The following PSMG4 variants were observed in gnomAD, a reference collection of about 807,000 sequenced individuals.
PSMG4 encodes proteasome assembly chaperone 4.
PSMG4 carries 10 observed loss-of-function variants against 11.0 expected under a neutral mutation model. That is an observed-to-expected ratio of 0.91 (90% CI 0.56 to 1.54). The LOEUF is 1.54. PSMG4 is among the 40% of genes most tolerant of loss of function. The probability of loss-of-function intolerance (pLI) is 0.00; values close to 1 mark genes in which losing one functional copy is unlikely to be tolerated. For missense variants in PSMG4, 198 were observed against 160.9 expected (o/e 1.23, Z -1.25); for synonymous variants, 95 against 71.3 (o/e 1.33, Z -1.68).
At chr6:3,258,798 C>G (rs1757848085), upstream of PSMG4, 3 of 387,702 alleles carry the variant, frequency 7.7e-6, no homozygotes, top group Admixed American at 4.5e-5. Flanking sequence ...AGCAAGACAA[C>G]CAGGGACAGC....
At chr6:3,263,585 A>G in intron 1 of PSMG4, 99 bp from the exon 2 acceptor site, 2 of 1,043,440 alleles carry the variant, frequency 1.9e-6, no homozygotes, top group East Asian at 2.7e-5. Context: ...TGAACCTGCC[A>G]CTGCCATCGT....
chr6:3,256,795 C>T (rs1175606844), upstream of PSMG4, among the ~76,000 whole-genome samples: 1 of 152,204 alleles, frequency 6.6e-6, no homozygotes, highest in Non-Finnish European at 1.5e-5. Context: ...CATAGTCTGC[C>T]TCCATCAGTT....
At chr6:3,254,645 C>A (rs537212986), upstream of PSMG4, among the ~76,000 whole-genome samples, 1 of 152,080 alleles carries the variant, frequency 6.6e-6, no homozygotes, top group Non-Finnish European at 1.5e-5. Context: ...ATTGTGAAGG[C>A]CTACAGCTTT....
Position 3,259,197 on chromosome 6 carries a change from G to A in PSMG4, c.174+1G>A. On this transcript the variant is annotated splice_donor_variant, in intron 1 of 2. Transcript: ENST00000438998. LOFTEE classifies it high-confidence loss of function. ...CGCCGTGGCCATGTGCAGCCGCTACGTGAGTGCCTGGCGGCCGAGGGTGCG... is the reference window on the plus strand; with the variant it reads ...CGCCGTGGCCATGTGCAGCCGCTACATGAGTGCCTGGCGGCCGAGGGTGCG... The A allele has an allele frequency of 5.4e-6, 7 of 1,298,612 alleles. No homozygotes were observed. The highest frequency in any genetic ancestry group is 6.8e-6 in the Non-Finnish European group (7 of 1,024,602). The allele number at this position is 1,298,612 out of a possible 1,614,324, so 80.4% of individuals were successfully genotyped here. A position where few individuals can be genotyped will look rare whatever the true frequency, so the allele number is the denominator to read the frequency against.
intron 2 of PSMG4, chr6:3,266,902 C>T (rs1478641665): frequency 1.3e-5 from 2 of 151,624 alleles, no homozygotes; most frequent in Non-Finnish European, 2.9e-5. Context: ...ATTGCCCAGG[C>T]TGGAGTGCAG....
chr6:3,260,291 A>ATATATATATATATTTTTTT, intron 1 of PSMG4, among the ~76,000 whole-genome samples: 1 of 70,840 alleles, frequency 1.4e-5, no homozygotes, highest in African/African-American at 5.5e-5. Context: ...ATATATATAT[A>ATATATATATATATTTTTTT]TTTTTTTTTT....
In PSMG4 at chr6:3,260,284, TATATATA is replaced by T. The variant is rs143575413; in HGVS notation, c.174+1089_174+1095del. Among the ~76,000 whole-genome samples the T allele has an allele frequency of 3.4e-3, 285 of 84,826 alleles. 5 individuals are homozygous for T. The highest frequency in any genetic ancestry group is 6.6e-3 in the African/African-American group (158 of 24,046). 55.6% of individuals were successfully genotyped at this position (84,826 alleles called of 152,430 possible). ...ATAACCTTGTCTTAAATTGTATATA[TATATATA>T]TTTTTTTTTTTTTTTTTTGAAGCAA... On this transcript the variant is annotated intron_variant, in intron 1 of 2. Transcript: ENST00000438998.
intron 2 of PSMG4, chr6:3,263,974 C>A: frequency 2.2e-6 from 3 of 1,340,082 alleles, no homozygotes; most frequent in Admixed American, 2.8e-5. Flanking sequence ...CTGGCCTGTT[C>A]CCAAAGGACT....
At chr6:3,259,537 T>C (rs970442412) in intron 1 of PSMG4, among the ~76,000 whole-genome samples, 1 of 152,240 alleles carries the variant, frequency 6.6e-6, no homozygotes, top group African/African-American at 2.4e-5. Flanking sequence ...TTGAGCACAC[T>C]GATAATTTTT....
In PSMG4 at chr6:3,260,291, A is replaced by ATATATATATATATATATATTTTTTTTTT; in HGVS notation, c.174+1096_174+1097insATATATATATATATATATTTTTTTTTTT. On this transcript the variant is annotated intron_variant, in intron 1 of 2. Coordinates refer to ENST00000438998, the MANE Select transcript of PSMG4 (RefSeq NM_001128591.2). ...TGTCTTAAATTGTATATATATATAT[A>ATATATATATATATATATATTTTTTTTTT]TTTTTTTTTTTTTTTTTTGAAGCAA... Among the ~76,000 whole-genome samples the ATATATATATATATATATATTTTTTTTTT allele has an allele frequency of 5.6e-5, 4 of 70,860 alleles. No individual in the cohort carries two copies. The East Asian group carries it at 1.4e-3, about 24-fold the overall frequency. 46.5% of individuals were successfully genotyped at this position (70,860 alleles called of 152,430 possible).
At chr6:3,255,573 A>G (rs1489922971), upstream of PSMG4, among the ~76,000 whole-genome samples, 2 of 152,108 alleles carry the variant, frequency 1.3e-5, no homozygotes, top group African/African-American at 2.4e-5. Context: ...TTTACATGAG[A>G]TGGTTACCCA....
At position 3,260,291 on chromosome 6, in the gene PSMG4, A is replaced by ATATTTTTT; in HGVS notation, c.174+1096_174+1097insATTTTTTT. 5.7e-3 allele frequency among the ~76,000 whole-genome samples: 407 copies of ATATTTTTT among 70,810 alleles called. 14 individuals are homozygous for ATATTTTTT. The highest frequency in any genetic ancestry group is 0.011 in the Middle Eastern group (1 of 90). 46.5% of individuals were successfully genotyped at this position (70,810 alleles called of 152,430 possible). The stretch of plus-strand genomic sequence containing the variant: ...TGTCTTAAATTGTATATATATATAT[A>ATATTTTTT]TTTTTTTTTTTTTTTTTTGAAGCAA... On this transcript the variant is annotated intron_variant, in intron 1 of 2. Coordinates refer to ENST00000438998, the MANE Select transcript of PSMG4 (RefSeq NM_001128591.2).
At chr6:3,254,425 T>TA (rs1481303102), upstream of PSMG4, among the ~76,000 whole-genome samples, 1 of 149,086 alleles carries the variant, frequency 6.7e-6, no homozygotes, top group Non-Finnish European at 1.5e-5. Flanking sequence ...TGAGGAGGTA[T>TA]GGCTTTGTGC....
chr6:3,258,914 G>A, upstream of PSMG4: 3 of 1,117,484 alleles, frequency 2.7e-6, no homozygotes. Flanking sequence ...TTCCGGGGCC[G>A]AAAGCGAAAG....
At chr6:3,254,896 GTGAA>G (rs1757695900), upstream of PSMG4, among the ~76,000 whole-genome samples, 1 of 150,722 alleles carries the variant, frequency 6.6e-6, no homozygotes, top group South Asian at 2.1e-4. Flanking sequence ...GACCTTGTAA[GTGAA>G]TGATCTCTGA....
chr6:3,261,779 C>T (rs1249217401), intron 1 of PSMG4, among the ~76,000 whole-genome samples: 1 of 152,194 alleles, frequency 6.6e-6, no homozygotes, highest in African/African-American at 2.4e-5. Flanking sequence ...CCACCTGTGA[C>T]CCGTGGGCCA....
intron 2 of PSMG4, chr6:3,265,765 G>C (rs1005673724): frequency 6.6e-5 from 10 of 152,136 alleles, no homozygotes; most frequent in Admixed American, 5.9e-4. Context: ...CTCACTCCCC[G>C]CAGGGCTGAG....
intron 2 of PSMG4, chr6:3,266,380 C>T (rs1320240904): frequency 6.6e-6 from 1 of 152,188 alleles, no homozygotes; most frequent in African/African-American, 2.4e-5. Context: ...TGCCCTCAGC[C>T]TCACCGCACC....
intron 1 of PSMG4, among the ~76,000 whole-genome samples, chr6:3,263,284 C>T (rs774451721): frequency 2.2e-4 from 34 of 152,214 alleles, no homozygotes; most frequent in Admixed American, 3.9e-4. Context: ...TGCTGTGGGG[C>T]ACGAGGCACC....
Sources: gnomAD v4.1 joint callset for allele counts (sites outside exome capture counted in the v4.1 genomes callset) on GRCh38, gnomAD v4.1.1 for gene constraint, MANE v1.5 for transcripts, NCBI Gene and HGNC (gene_info 2026-07-23, HGNC 2026-07-21) for gene names.